Variants in PKP2 observed in about 807,000 individuals in gnomAD.
PKP2 encodes plakophilin 2.
In PKP2, 73 loss-of-function variants were observed where a neutral mutation model predicts 83.4. That is an observed-to-expected ratio of 0.88 (90% CI 0.72 to 1.06). The LOEUF is 1.06. Ranked by LOEUF, PKP2 falls within the 50% of genes least tolerant of loss-of-function variation. The probability of loss-of-function intolerance (pLI) is 0.00; values close to 1 mark genes in which losing one functional copy is unlikely to be tolerated. For synonymous variants in PKP2, 409 were observed against 430.4 expected, an observed-to-expected ratio of 0.95 and a Z score of 0.62; for missense variants, 966 against 1,065.4, an observed-to-expected ratio of 0.91 and a Z score of 1.30.
intron 1 of PKP2, among the ~76,000 whole-genome samples, chr12:32,890,212 C>A (rs889646021): frequency 4.0e-5 from 6 of 151,644 alleles, no homozygotes; most frequent in East Asian, 1.9e-4. Context: ...TTTTGGTGGC[C>A]TATAAATTCA....
At chr12:32,798,872 C>T (rs1448396777) in intron 10 of PKP2, among the ~76,000 whole-genome samples, 1 of 152,068 alleles carries the variant, frequency 6.6e-6, no homozygotes, top group African/African-American at 2.4e-5. Flanking sequence ...AGTTCATGAC[C>T]AAGAACCCAA....
chr12:32,795,340 C>T (rs1001985977), intron 11 of PKP2, among the ~76,000 whole-genome samples: 1 of 151,772 alleles, frequency 6.6e-6, no homozygotes. Flanking sequence ...CAGGCTACCC[C>T]CTGACTGCTT....
chr12:32,864,791 C>G (rs1956832158), intron 4 of PKP2, among the ~76,000 whole-genome samples: 1 of 152,142 alleles, frequency 6.6e-6, no homozygotes, highest in Admixed American at 6.5e-5. Flanking sequence ...CGATAGTAAT[C>G]AAGACTGTGG....
chr12:32,798,747 A>T (rs1431508960), intron 10 of PKP2, among the ~76,000 whole-genome samples: 1 of 152,208 alleles, frequency 6.6e-6, no homozygotes. Flanking sequence ...CTCATCTCTC[A>T]CTTTATACAA....
At chr12:32,864,132 G>T (rs1441799184) in intron 4 of PKP2, among the ~76,000 whole-genome samples, 1 of 152,206 alleles carries the variant, frequency 6.6e-6, no homozygotes, top group Middle Eastern at 3.4e-3. Context: ...AGCAGGAGTA[G>T]AAGGGAAGTT....
intron 9 of PKP2, among the ~76,000 whole-genome samples, chr12:32,808,986 C>A (rs2058219899): frequency 1.3e-5 from 2 of 152,158 alleles, no homozygotes; most frequent in South Asian, 4.1e-4. Flanking sequence ...ATTGAAAGGT[C>A]TCACCCAGTC....
At chr12:32,855,348 T>G (rs1461214246) in intron 4 of PKP2, among the ~76,000 whole-genome samples, 1 of 152,176 alleles carries the variant, frequency 6.6e-6, no homozygotes, top group African/African-American at 2.4e-5. Context: ...TGGGAATTAC[T>G]GTGTAAGATG....
intron 4 of PKP2, among the ~76,000 whole-genome samples, chr12:32,865,657 G>C (rs1475743547): frequency 8.3e-6 from 1 of 120,762 alleles, no homozygotes. Flanking sequence ...CTGCATTCCT[G>C]TCTGGAACAG....
intron 4 of PKP2, among the ~76,000 whole-genome samples, chr12:32,866,712 G>T (rs912061354): frequency 4.6e-5 from 7 of 152,082 alleles, no homozygotes; most frequent in East Asian, 3.8e-4. Flanking sequence ...CTCATAAATT[G>T]TGAGTGGGAA....
chr12:32,869,598 C>CA lies in PKP2; in HGVS notation c.1035-537dup, dbSNP rs749501554. ...TAGGAGGAAAAACGAGACTGCATCT[C>CA]AAAAAAAAAAAAAAGAAAGAAAAAA... On this transcript the variant is annotated intron_variant, in intron 3 of 12. Transcript: ENST00000340811. 6.6e-3 allele frequency among the ~76,000 whole-genome samples: 543 copies of CA among 82,070 alleles called. 2 individuals are homozygous for CA. Among genetic ancestry groups the CA allele is most frequent in the East Asian group, 0.029 (82 of 2,860 alleles). The allele number at this position is 82,070 out of a possible 152,430, so 53.8% of individuals were successfully genotyped here.
At chr12:32,835,918 T>C (rs1183621406) in intron 6 of PKP2, among the ~76,000 whole-genome samples, 1 of 152,222 alleles carries the variant, frequency 6.6e-6, no homozygotes, top group African/African-American at 2.4e-5. Flanking sequence ...TTGTTGAGAC[T>C]ACTGGCACAC....
At chr12:32,877,453 C>T (rs1006208902) in intron 3 of PKP2, among the ~76,000 whole-genome samples, 1 of 152,196 alleles carries the variant, frequency 6.6e-6, no homozygotes, top group African/African-American at 2.4e-5. Context: ...AAATGGCATT[C>T]GTGCTAAGAA....
chr12:32,837,436 C>T (rs1189513890), intron 6 of PKP2, among the ~76,000 whole-genome samples: 1 of 152,072 alleles, frequency 6.6e-6, no homozygotes, highest in Admixed American at 6.6e-5. Flanking sequence ...AGAAAAGCCT[C>T]ATAAAGCATT....
Position 32,792,490 on chromosome 12 carries a change from A to G in PKP2, c.2448T>C (p.Ala816=). The G allele has an allele frequency of 6.2e-7, 1 of 1,613,450 alleles. No homozygotes were observed. The highest frequency in any genetic ancestry group is 1.3e-5 in the African/African-American group (1 of 75,024). The change falls in exon 13 of 13, where the codon GCT becomes GCC. Residue 816 remains alanine, a splice_region_variant and synonymous_variant. Coordinates refer to ENST00000340811, the MANE Select transcript of PKP2 (RefSeq NM_001005242.3). ...HTELHHAYKK[A]QFKKTDFVNS... is the part of the protein sequence containing the mutation. ...TGACAAAATCTGTCTTCTTAAACTG[A>G]GCCTTTGGAATAAGCAAACAGAAAC...
chr12:32,893,471 A>G (rs901231634), intron 1 of PKP2: 1 of 152,054 alleles, frequency 6.6e-6, no homozygotes, highest in Non-Finnish European at 1.5e-5. Flanking sequence ...ATACATACGA[A>G]CCACCCCTGG....
At chr12:32,802,582 G>A (rs748941172) in intron 9 of PKP2, 26 bp from the exon 10 acceptor site, 2 of 1,605,414 alleles carry the variant, frequency 1.2e-6, no homozygotes, top group Non-Finnish European at 1.7e-6. Flanking sequence ...TATCCTATAA[G>A]TGCTATTGTA....
At chr12:32,821,324 T>C (rs1441275597) in intron 9 of PKP2, 32 bp downstream of exon 9, 3 of 1,591,376 alleles carry the variant, frequency 1.9e-6, no homozygotes, top group Non-Finnish European at 2.6e-6. Context: ...TATCATTATT[T>C]TAAAAAGTAG....
At chr12:32,876,559 C>T (rs1477033917) in intron 3 of PKP2, among the ~76,000 whole-genome samples, 1 of 151,848 alleles carries the variant, frequency 6.6e-6, no homozygotes, top group Admixed American at 6.6e-5. Flanking sequence ...GACAAGGTCT[C>T]ACTGTGTTCC....
intron 8 of PKP2, chr12:32,821,956 C>G: frequency 4.2e-6 from 1 of 240,440 alleles, no homozygotes; most frequent in South Asian, 5.8e-5. Flanking sequence ...ACAAATACCA[C>G]GATACTCAGA....
Sources: gnomAD v4.1 joint callset for allele counts (sites outside exome capture counted in the v4.1 genomes callset) on GRCh38, gnomAD v4.1.1 for gene constraint, MANE v1.5 for transcripts, NCBI Gene and HGNC (gene_info 2026-07-23, HGNC 2026-07-21) for gene names.